DIAPH2: variants seen among roughly 807,000 people sequenced by gnomAD.
DIAPH2 encodes protein diaphanous homolog 2.
Under a neutral mutation model 92.7 loss-of-function variants are expected in DIAPH2, and 35 were observed. That is an observed-to-expected ratio of 0.38 (90% CI 0.29 to 0.50). The LOEUF (loss-of-function observed/expected upper bound fraction) is 0.50, where lower values mean the gene tolerates loss of function less well. DIAPH2 is among the 20% of genes least tolerant of loss of function. DIAPH2 has a pLI of 0.94. For synonymous variants in DIAPH2, 301 were observed against 280.4 expected (o/e 1.07, Z -0.73); for missense variants, 701 against 819.5 (o/e 0.86, Z 1.77).
At chrX:97,536,282 A>T (rs2071095047) in intron 26 of DIAPH2, among the ~76,000 whole-genome samples, 1 of 112,081 alleles carries the variant, frequency 8.9e-6, no homozygotes. Context: ...TCAATGTGGA[A>T]TTTTCCATGA....
At chrX:96,892,319 G>T (rs2065312760) in intron 5 of DIAPH2, among the ~76,000 whole-genome samples, 2 of 112,070 alleles carry the variant, frequency 1.8e-5, no homozygotes, top group Non-Finnish European at 3.8e-5. Context: ...ATTATGTGCG[G>T]TATTACTAAA....
intron 25 of DIAPH2, among the ~76,000 whole-genome samples, chrX:97,417,450 G>C (rs929332204): frequency 9.1e-6 from 1 of 109,807 alleles, no homozygotes; most frequent in African/African-American, 3.3e-5. Flanking sequence ...ATGAACACCG[G>C]ATCACCTGAG....
chrX:97,338,027 C>T (rs1052010898), intron 23 of DIAPH2, among the ~76,000 whole-genome samples: 4 of 109,585 alleles, frequency 3.7e-5, no homozygotes, highest in Non-Finnish European at 7.6e-5. Flanking sequence ...TGTGCGCCAC[C>T]ACGCCTGGCT....
intron 23 of DIAPH2, among the ~76,000 whole-genome samples, chrX:97,312,609 A>G (rs1175615820): frequency 9.0e-6 from 1 of 110,969 alleles, no homozygotes; most frequent in African/African-American, 3.3e-5. Context: ...TCAGCCCTCC[A>G]AAGTGCTGGG....
chrX:96,895,433 G>A (rs1015839629), intron 5 of DIAPH2, among the ~76,000 whole-genome samples: 2 of 111,777 alleles, frequency 1.8e-5, no homozygotes, highest in Non-Finnish European at 3.8e-5. Context: ...ATACTGCAGA[G>A]GTCTATATAA....
At chrX:97,284,178 T>C (rs7064117) in intron 23 of DIAPH2, among the ~76,000 whole-genome samples, 1,468 of 111,776 alleles carry the variant, frequency 0.013, 19 homozygotes, top group African/African-American at 0.046. Flanking sequence ...AGTATTTTAA[T>C]AACCAATGCA....
At chrX:97,055,837 T>A (rs759062098) in intron 17 of DIAPH2, among the ~76,000 whole-genome samples, 1 of 111,777 alleles carries the variant, frequency 8.9e-6, no homozygotes, top group African/African-American at 3.2e-5. Flanking sequence ...AAACTATTAG[T>A]AATTTAATAA....
intron 22 of DIAPH2, among the ~76,000 whole-genome samples, chrX:97,221,843 CCTT>C (rs768806384): frequency 9.2e-6 from 1 of 109,132 alleles, no homozygotes; most frequent in Non-Finnish European, 1.9e-5. Flanking sequence ...TGATTTTGCT[CCTT>C]CTTTTTTTTT....
chrX:97,278,247 T>A (rs1300881583), intron 23 of DIAPH2, among the ~76,000 whole-genome samples: 1 of 112,347 alleles, frequency 8.9e-6, no homozygotes, highest in Non-Finnish European at 1.9e-5. Flanking sequence ...AGTTCTTATA[T>A]CCCTTCTCTA....
chrX:97,116,148 T>C (rs985697016), intron 21 of DIAPH2, among the ~76,000 whole-genome samples: 2 of 112,122 alleles, frequency 1.8e-5, no homozygotes, highest in African/African-American at 6.5e-5. Context: ...ATTAAATTGA[T>C]GTTCATTACA....
chrX:97,303,516 T>G (rs977845495), intron 23 of DIAPH2, among the ~76,000 whole-genome samples: 3 of 111,971 alleles, frequency 2.7e-5, no homozygotes, highest in African/African-American at 9.7e-5. Flanking sequence ...TGTTTTGAGA[T>G]GTTGAAATTA....
At chrX:96,834,216 C>A (rs1158748184) in intron 4 of DIAPH2, among the ~76,000 whole-genome samples, 1 of 111,580 alleles carries the variant, frequency 9.0e-6, no homozygotes, top group East Asian at 2.8e-4. Flanking sequence ...ATGAAATACT[C>A]ATTAGAATAT....
chrX:96,820,872 C>G (rs906125224), intron 4 of DIAPH2, among the ~76,000 whole-genome samples: 2 of 111,755 alleles, frequency 1.8e-5, no homozygotes, highest in Admixed American at 9.5e-5. Flanking sequence ...CCCTTTATAG[C>G]GATACTTAGA....
intron 4 of DIAPH2, among the ~76,000 whole-genome samples, chrX:96,878,487 T>C (rs1023224362): frequency 3.6e-5 from 4 of 112,184 alleles, no homozygotes; most frequent in African/African-American, 1.3e-4. Context: ...GAACTTATGT[T>C]AAAATCTCAA....
intron 26 of DIAPH2, among the ~76,000 whole-genome samples, chrX:97,499,871 A>C (rs2070783510): frequency 8.9e-6 from 1 of 112,580 alleles, no homozygotes; most frequent in Admixed American, 9.4e-5. Context: ...TTAGCATAGA[A>C]GAAAGTCCTC....
intron 23 of DIAPH2, among the ~76,000 whole-genome samples, chrX:97,254,674 C>A (rs923105273): frequency 1.7e-4 from 19 of 109,189 alleles, no homozygotes; most frequent in African/African-American, 5.7e-4. Flanking sequence ...GAAGTAGGTA[C>A]TATTACTAAC....
chrX:96,999,344 T>C lies in DIAPH2; in HGVS notation c.2050+34137T>C, dbSNP rs772189127. On this transcript the variant is annotated intron_variant, in intron 17 of 26. Transcript: ENST00000324765. ...GGTGAAACCCCATCTCTACTAAAAA[T>C]ACAAAAAATTAGCCTGGCGTGGTGG... is the stretch of plus-strand genomic sequence containing the variant. Among the ~76,000 whole-genome samples the C allele has an allele frequency of 3.7e-5, 4 of 108,883 alleles. No homozygotes were observed. The South Asian group carries it at 1.2e-3, about 33-fold the overall frequency. The allele number at this position is 108,883 out of a possible 115,157, so 94.6% of individuals were successfully genotyped here. A position where few individuals can be genotyped will look rare whatever the true frequency, so the allele number is the denominator to read the frequency against.
intron 24 of DIAPH2, among the ~76,000 whole-genome samples, chrX:97,351,217 G>A (rs1264955450): frequency 1.2e-4 from 14 of 112,188 alleles, no homozygotes; most frequent in African/African-American, 4.5e-4. Context: ...AATAATTTAA[G>A]CCATGTCTTC....
intron 26 of DIAPH2, among the ~76,000 whole-genome samples, chrX:97,479,206 C>T (rs2070632866): frequency 9.0e-6 from 1 of 110,861 alleles, no homozygotes; most frequent in Non-Finnish European, 1.9e-5. Context: ...CCGACCCCAC[C>T]CACCCTGGGG....
Sources: gnomAD v4.1 joint callset for allele counts (sites outside exome capture counted in the v4.1 genomes callset) on GRCh38, gnomAD v4.1.1 for gene constraint, MANE v1.5 for transcripts, NCBI Gene and HGNC (gene_info 2026-07-23, HGNC 2026-07-21) for gene names.